PDZD2: variants seen among roughly 807,000 people sequenced by gnomAD.
PDZD2 encodes PDZ domain containing 2, also known as PDZ domain-containing protein 2.
In PDZD2, 90 loss-of-function variants were observed where a neutral mutation model predicts 220.7. That is an observed-to-expected ratio of 0.41 (90% CI 0.34 to 0.49). PDZD2 has a LOEUF of 0.49. Among genes scored for constraint, PDZD2 ranks in the 20% least tolerant of loss-of-function variants. The pLI is 0.28. For synonymous variants in PDZD2, 1,375 were observed against 1,450.5 expected, an observed-to-expected ratio of 0.95 and a Z score of 1.18; for missense variants, 3,174 against 3,608.5, an observed-to-expected ratio of 0.88 and a Z score of 3.08.
intron 2 of PDZD2, among the ~76,000 whole-genome samples, chr5:31,844,251 A>C (rs1757474171): frequency 6.6e-6 from 1 of 152,186 alleles, no homozygotes; most frequent in Admixed American, 6.5e-5. Flanking sequence ...GGTTGAACTT[A>C]ATGATGCAAA....
At chr5:31,840,227 TCAAAACAAAACAAAA>T (rs58599257) in intron 2 of PDZD2, among the ~76,000 whole-genome samples, 3 of 145,746 alleles carry the variant, frequency 2.1e-5, no homozygotes, top group Non-Finnish European at 4.5e-5. Context: ...AGACCCTGTT[TCAAAACAAAACAAAA>T]CAAAACAAAA....
At chr5:31,658,643 G>A (rs760384609) in intron 1 of PDZD2, among the ~76,000 whole-genome samples, 3 of 149,152 alleles carry the variant, frequency 2.0e-5, no homozygotes, top group East Asian at 3.9e-4. Flanking sequence ...TTTTTGAGAC[G>A]GAGTCTCACT....
At chr5:31,822,438 T>C (rs1580826205) in intron 2 of PDZD2, 1 of 394,102 alleles carries the variant, frequency 2.5e-6, no homozygotes, top group Non-Finnish European at 4.7e-6. Context: ...ACCTGGCTAA[T>C]TTTTTTATAG....
At chr5:31,752,996 T>A (rs1751097852) in intron 1 of PDZD2, among the ~76,000 whole-genome samples, 1 of 152,164 alleles carries the variant, frequency 6.6e-6, no homozygotes. Flanking sequence ...TTGACCCTAG[T>A]AGGCACTTGA....
intron 5 of PDZD2, among the ~76,000 whole-genome samples, chr5:32,002,146 T>G (rs1752181405): frequency 6.6e-6 from 1 of 152,216 alleles, no homozygotes. Context: ...ATCCAAAAAA[T>G]CTGCTTTCCT....
rs1210750116 is a variant in PDZD2 at position 31,656,318 on chromosome 5, G to T, written c.-361+16881G>T. ...AAGCCTTCCCCGCCTTCCCTGGCTGGCAGCCTCCCCCGGAACACCTGGCAT... is the reference window on the plus strand; with the variant it reads ...AAGCCTTCCCCGCCTTCCCTGGCTGTCAGCCTCCCCCGGAACACCTGGCAT... On this transcript the variant is annotated intron_variant, in intron 1 of 24. Transcript: ENST00000438447. Among the ~76,000 whole-genome samples the T allele has an allele frequency of 2.0e-5, 3 of 152,138 alleles. No homozygotes were observed. The East Asian group carries it at 5.8e-4, about 29-fold the overall frequency.
rs1052768146 is a variant in PDZD2 at position 31,712,477 on chromosome 5, T to C, written c.-361+73040T>C. ...CTCTCTCTCTCTCTCTCTCTCTCTC[T>C]CTCTCCCCCTCTCTCCCTCTCCCTA... On this transcript the variant is annotated intron_variant, in intron 1 of 24. Transcript: ENST00000438447. Among the ~76,000 whole-genome samples, 43 of 83,936 alleles carry C rather than the reference T, an allele frequency of 5.1e-4. No homozygotes were observed. In the South Asian group the frequency reaches 0.015, roughly 29 times the overall value. The allele number at this position is 83,936 out of a possible 152,430, so 55.1% of individuals were successfully genotyped here.
chr5:31,871,784 CA>C (rs1238983701), intron 2 of PDZD2, among the ~76,000 whole-genome samples: 1 of 151,972 alleles, frequency 6.6e-6, no homozygotes, highest in Non-Finnish European at 1.5e-5. Flanking sequence ...ACAGTCAAGC[CA>C]AAATAAAATG....
At chr5:31,903,760 G>A (rs1041779238) in intron 2 of PDZD2, among the ~76,000 whole-genome samples, 2 of 150,704 alleles carry the variant, frequency 1.3e-5, no homozygotes, top group Admixed American at 6.6e-5. Context: ...TTTTGTTTTT[G>A]TTGCCCAGGC....
chr5:31,744,108 GTTAC>G (rs1456362220), intron 1 of PDZD2: 1 of 152,182 alleles, frequency 6.6e-6, no homozygotes, highest in Admixed American at 6.5e-5. Flanking sequence ...TTCTGAGGTG[GTTAC>G]TTTCTAAAGA....
chr5:31,850,676 A>C (rs1758008153), intron 2 of PDZD2, among the ~76,000 whole-genome samples: 1 of 125,174 alleles, frequency 8.0e-6, no homozygotes, highest in Admixed American at 9.9e-5. Flanking sequence ...TTGCTCTTTC[A>C]CCCAGGCTGG....
At chr5:31,866,012 GT>G (rs566220288) in intron 2 of PDZD2, among the ~76,000 whole-genome samples, 4 of 139,002 alleles carry the variant, frequency 2.9e-5, no homozygotes, top group Non-Finnish European at 4.7e-5. Context: ...CTTGATTTTG[GT>G]TTTTTTTTGA....
chr5:31,875,478 TAGG>T (rs1202501364), intron 2 of PDZD2, among the ~76,000 whole-genome samples: 2 of 151,140 alleles, frequency 1.3e-5, no homozygotes, highest in African/African-American at 4.9e-5. Context: ...CCTGGCGACT[TAGG>T]AGGCTGAGAT....
intron 1 of PDZD2, among the ~76,000 whole-genome samples, chr5:31,797,366 C>T (rs148086382): frequency 3.3e-5 from 5 of 152,070 alleles, no homozygotes; most frequent in South Asian, 4.2e-4. Context: ...TAGGAGTCTA[C>T]GATGTGGTAG....
At chr5:31,808,307 A>G (rs959770449) in intron 2 of PDZD2, among the ~76,000 whole-genome samples, 2 of 152,244 alleles carry the variant, frequency 1.3e-5, no homozygotes, top group African/African-American at 4.8e-5. Context: ...CATGTAATAC[A>G]CTTTAGAAAG....
chr5:31,940,462 C>A (rs2150401931), intron 2 of PDZD2, among the ~76,000 whole-genome samples: 1 of 152,320 alleles, frequency 6.6e-6, no homozygotes. Flanking sequence ...GACTCTAGAT[C>A]TGCCTTCCCT....
intron 7 of PDZD2, among the ~76,000 whole-genome samples, chr5:32,041,858 AC>A (rs70957999): frequency 0.16 from 23,732 of 148,428 alleles, 2,378 homozygotes; most frequent in Non-Finnish European, 0.21. Context: ...AACAACAACA[AC>A]AACAACAACA....
intron 2 of PDZD2, among the ~76,000 whole-genome samples, chr5:31,935,461 C>T (rs180745634): frequency 8.9e-4 from 135 of 152,270 alleles, no homozygotes; most frequent in African/African-American, 3.2e-3. Context: ...TTCAGCAACT[C>T]AAGGGCTGAC....
In PDZD2 at chr5:31,935,231, A is replaced by G. The variant is rs1409413968; in HGVS notation, c.477-47924A>G. Among the ~76,000 whole-genome samples, 4 of 152,316 alleles carry G rather than the reference A, an allele frequency of 2.6e-5. No individual in the cohort carries two copies. In the East Asian group the frequency reaches 5.8e-4, roughly 22 times the overall value. On this transcript the variant is annotated intron_variant, in intron 2 of 24. Coordinates refer to ENST00000438447, the MANE Select transcript of PDZD2 (RefSeq NM_178140.4). ...AATGTCATTCCCATTTAAGTTGCACATGTACATTTTTATACCTGCACCAAA... is the reference window on the plus strand; with the variant it reads ...AATGTCATTCCCATTTAAGTTGCACGTGTACATTTTTATACCTGCACCAAA...
Sources: gnomAD v4.1 joint callset for allele counts (sites outside exome capture counted in the v4.1 genomes callset) on GRCh38, gnomAD v4.1.1 for gene constraint, MANE v1.5 for transcripts, NCBI Gene and HGNC (gene_info 2026-07-23, HGNC 2026-07-21) for gene names.